KCNQ5: variants seen among roughly 807,000 people sequenced by gnomAD.
KCNQ5 encodes potassium voltage-gated channel subfamily Q member 5.
KCNQ5 carries 30 observed loss-of-function variants against 98.2 expected under a neutral mutation model. The observed-to-expected ratio is 0.31, with a 90% CI of 0.23 to 0.41. The LOEUF is 0.41. KCNQ5 is among the 10% of genes least tolerant of loss of function. KCNQ5 has a pLI of 1.00. For missense variants in KCNQ5, 835 were observed against 1,182.5 expected (o/e 0.71, Z 4.31); for synonymous variants, 458 against 449.4 (o/e 1.02, Z -0.24).
intron 1 of KCNQ5, among the ~76,000 whole-genome samples, chr6:72,768,216 C>T (rs549128606): frequency 5.9e-5 from 9 of 151,654 alleles, no homozygotes; most frequent in Non-Finnish European, 1.3e-4. Context: ...TAGAGGGAAC[C>T]GTCAGCTGAA....
rs1766184801 is a variant in KCNQ5, at chr6:72,656,131, C to T, written c.398+33544C>T. Among the ~76,000 whole-genome samples the T allele has an allele frequency of 3.9e-5, 6 of 152,286 alleles. No homozygotes were observed. In the South Asian group the frequency reaches 1.2e-3, roughly 32 times the overall value. On this transcript the variant is annotated intron_variant, in intron 1 of 13. Transcript: ENST00000370398. ...TATTAATGGTGTCTTCTCTTCTTTA[C>T]AAGGCCACCAAAGTGGATGCATAAT...
At chr6:72,673,183 G>C (rs1767226775) in intron 1 of KCNQ5, among the ~76,000 whole-genome samples, 1 of 152,136 alleles carries the variant, frequency 6.6e-6, no homozygotes, top group South Asian at 2.1e-4. Flanking sequence ...TAACTCCATA[G>C]ACTCAGGGCT....
chr6:72,640,982 A>G (rs2098926903), intron 1 of KCNQ5: 1 of 152,204 alleles, frequency 6.6e-6, no homozygotes, highest in Admixed American at 6.6e-5. Context: ...TAGTGCTAAC[A>G]GGGAAAATAT....
At chr6:72,890,332 A>AAGGG (rs1223903692) in intron 1 of KCNQ5, among the ~76,000 whole-genome samples, 2 of 152,088 alleles carry the variant, frequency 1.3e-5, no homozygotes, top group Admixed American at 1.3e-4. Context: ...ACATACTTTA[A>AAGGG]AGGGTACGAT....
At position 73,042,073 on chromosome 6, in the gene KCNQ5, G is replaced by C; in HGVS notation, c.616+11G>C. The C allele has an allele frequency of 6.2e-7, 1 of 1,613,696 alleles. No individual in the cohort carries two copies. The highest frequency in any genetic ancestry group is 8.5e-7 in the Non-Finnish European group (1 of 1,179,628). ...CCTTCTGTGTTATAGGTGAATATCA[G>C]AGTCTCAGATACCTGGACTATGACA... On this transcript the variant is annotated intron_variant, in intron 3 of 13. Transcript: ENST00000370398.
chr6:73,002,808 A>G (rs1769644349), intron 1 of KCNQ5, among the ~76,000 whole-genome samples: 1 of 152,238 alleles, frequency 6.6e-6, no homozygotes, highest in Non-Finnish European at 1.5e-5. Flanking sequence ...AACAGGCATT[A>G]GGAGCCAGAT....
intron 1 of KCNQ5, among the ~76,000 whole-genome samples, chr6:72,712,303 CAT>C (rs1202454613): frequency 6.6e-6 from 1 of 152,058 alleles, no homozygotes; most frequent in Non-Finnish European, 1.5e-5. Context: ...GACAGAAATT[CAT>C]AGAGTCCAAG....
At chr6:73,181,535 A>T (rs1778404752) in intron 11 of KCNQ5, among the ~76,000 whole-genome samples, 1 of 152,234 alleles carries the variant, frequency 6.6e-6, no homozygotes, top group South Asian at 2.1e-4. Flanking sequence ...GAACTTCTTA[A>T]CTACTTCTTG....
intron 2 of KCNQ5, among the ~76,000 whole-genome samples, chr6:73,008,326 T>TA (rs1254747112): frequency 2.6e-5 from 4 of 152,146 alleles, no homozygotes; most frequent in African/African-American, 9.7e-5. Flanking sequence ...GCAGAATTGA[T>TA]AAAAATACAT....
At chr6:72,800,181 T>C (rs1244213337) in intron 1 of KCNQ5, among the ~76,000 whole-genome samples, 1 of 152,164 alleles carries the variant, frequency 6.6e-6, no homozygotes, top group Non-Finnish European at 1.5e-5. Context: ...TTTTTATTGA[T>C]AGGAATAGTT....
chr6:72,913,944 G>A (rs951113320), intron 1 of KCNQ5, among the ~76,000 whole-genome samples: 9 of 152,198 alleles, frequency 5.9e-5, no homozygotes, highest in African/African-American at 1.7e-4. Context: ...TTAACAAGGC[G>A]TGTTTGTTCA....
chr6:72,827,030 T>C (rs1272002431), intron 1 of KCNQ5, among the ~76,000 whole-genome samples: 2 of 152,180 alleles, frequency 1.3e-5, no homozygotes, highest in Non-Finnish European at 2.9e-5. Flanking sequence ...TCCAGTTCCA[T>C]CTATGTTGCT....
intron 1 of KCNQ5, among the ~76,000 whole-genome samples, chr6:72,819,037 A>G (rs1324871707): frequency 6.6e-6 from 1 of 152,000 alleles, no homozygotes; most frequent in Non-Finnish European, 1.5e-5. Context: ...TTGTTATTTC[A>G]TGATTTGAAA....
At chr6:73,165,536 T>G (rs1777761217) in intron 10 of KCNQ5, among the ~76,000 whole-genome samples, 1 of 152,170 alleles carries the variant, frequency 6.6e-6, no homozygotes. Flanking sequence ...GTGACCACAT[T>G]GCTCAAAATC....
At chr6:72,968,911 T>G (rs1335111940) in intron 1 of KCNQ5, among the ~76,000 whole-genome samples, 1 of 152,208 alleles carries the variant, frequency 6.6e-6, no homozygotes, top group Non-Finnish European at 1.5e-5. Context: ...ATAAACAATG[T>G]GATCTCTTAC....
intron 1 of KCNQ5, among the ~76,000 whole-genome samples, chr6:72,957,148 C>A (rs1767119183): frequency 6.7e-6 from 1 of 148,528 alleles, no homozygotes; most frequent in Non-Finnish European, 1.5e-5. Context: ...GATCTCACCC[C>A]TGGCTGTACA....
At chr6:73,046,739 T>C (rs1771982560) in intron 3 of KCNQ5, among the ~76,000 whole-genome samples, 1 of 151,708 alleles carries the variant, frequency 6.6e-6, no homozygotes, top group Non-Finnish European at 1.5e-5. Context: ...GCCTCCTGGG[T>C]TCAAGCCATT....
chr6:72,792,341 C>G (rs1361418471), intron 1 of KCNQ5, among the ~76,000 whole-genome samples: 1 of 152,100 alleles, frequency 6.6e-6, no homozygotes, highest in African/African-American at 2.4e-5. Flanking sequence ...TAGGATCTTG[C>G]TATACCATTC....
intron 1 of KCNQ5, among the ~76,000 whole-genome samples, chr6:72,660,858 T>C (rs1766483920): frequency 6.6e-6 from 1 of 152,154 alleles, no homozygotes; most frequent in Non-Finnish European, 1.5e-5. Context: ...ATTTGTTCAG[T>C]TGTGAAGTGG....
Sources: gnomAD v4.1 joint callset for allele counts (sites outside exome capture counted in the v4.1 genomes callset) on GRCh38, gnomAD v4.1.1 for gene constraint, MANE v1.5 for transcripts, NCBI Gene and HGNC (gene_info 2026-07-23, HGNC 2026-07-21) for gene names.